Variants in CDK20 observed in about 807,000 individuals in gnomAD.
The protein encoded by CDK20 is cyclin dependent kinase 20.
In CDK20, 40 loss-of-function variants were observed where a neutral mutation model predicts 38.6. That is an observed-to-expected ratio of 1.04 (90% CI 0.81 to 1.35). The LOEUF (loss-of-function observed/expected upper bound fraction) is 1.35. Ranked by LOEUF, CDK20 falls within the 40% of genes most tolerant of loss-of-function variation. The pLI is 0.00. For missense variants in CDK20, 512 were observed against 452.6 expected, an observed-to-expected ratio of 1.13 and a Z score of -1.19; for synonymous variants, 209 against 185.7, an observed-to-expected ratio of 1.13 and a Z score of -1.02.
chr9:87,969,871 G>A lies in CDK20; in HGVS notation c.612C>T (p.Phe204=). 2 of 1,605,626 alleles carry A rather than the reference G, an allele frequency of 1.2e-6. No homozygotes were observed. The highest frequency in any genetic ancestry group is 1.7e-6 in the Non-Finnish European group (2 of 1,175,568). ...MGELLNGSPL[F]PGKNDIEQLC... ...GCTGTTCAATATCGTTCTTGCCCGG[G>A]AAAAGGGGGGACCCATTCAACAGCT... The change falls in exon 6 of 8, where the codon TTC becomes TTT. Residue 204 remains phenylalanine, a synonymous_variant. Transcript: ENST00000325303.
Position 87,966,457 on chromosome 9 carries a change from A to G in CDK20, c.*1005T>C, listed in dbSNP as rs1008581417. 6.6e-6 allele frequency: 1 copy of G among 152,470 alleles called. No homozygotes were observed. Among genetic ancestry groups the G allele is most frequent in the Non-Finnish European group, 1.5e-5 (1 of 68,268 alleles). The allele number at this position is 152,470 out of a possible 1,614,324, so 9.4% of individuals were successfully genotyped here. A position where few individuals can be genotyped will look rare whatever the true frequency, so the allele number is the denominator to read the frequency against. On this transcript the variant is annotated 3_prime_UTR_variant, in exon 8 of 8. Coordinates refer to ENST00000325303, the MANE Select transcript of CDK20 (RefSeq NM_001039803.3). Reference sequence around the variant, plus strand: ...TCTAGTCTGTTTTTATCCTTGAACCACAATCATACTCTTTATTATTATACA... The same window carrying G: ...TCTAGTCTGTTTTTATCCTTGAACCGCAATCATACTCTTTATTATTATACA...
At position 87,969,807 on chromosome 9, in the gene CDK20, G is replaced by C. The variant is rs1829722278; in HGVS notation, c.676C>G (p.Gln226Glu). 5.0e-6 allele frequency: 8 copies of C among 1,613,746 alleles called. No individual in the cohort carries two copies. The East Asian group carries it at 6.7e-5, about 13-fold the overall frequency. The change falls in exon 6 of 8, where the codon CAA (glutamine) becomes GAA (glutamate). Residue 226 changes from glutamine to glutamate, a missense_variant. By Grantham distance (29) the Gln-to-Glu change is conservative. Coordinates refer to ENST00000325303, the MANE Select transcript of CDK20 (RefSeq NM_001039803.3). ...VLRILGTPNP[Q>E]VWPELTELPD... is the part of the protein sequence containing the mutation. ...GGGCCCCTACAAACCGGCCAGACTT[G>C]AGGGTTTGGGGTGCCCAAGATGCGA... is the stretch of plus-strand genomic sequence containing the variant.
chr9:87,969,720 G>A, intron 6 of CDK20, 76 bp downstream of exon 6: 1 of 1,600,494 alleles, frequency 6.2e-7, no homozygotes, highest in Admixed American at 1.7e-5. Flanking sequence ...GAAGGTTCAG[G>A]GGAGGGAGTG....
At chr9:87,973,427 A>ATGTC (rs5899021) in intron 2 of CDK20, among the ~76,000 whole-genome samples, 120,753 of 151,508 alleles carry the variant, frequency 0.8, 49,602 homozygotes, top group Non-Finnish European at 0.91. Context: ...CAAGGGAAGA[A>ATGTC]TGGACTCTCA....
chr9:87,971,102 A>G, intron 3 of CDK20, 45 bp downstream of exon 3: 2 of 1,592,006 alleles, frequency 1.3e-6, no homozygotes, highest in Non-Finnish European at 1.7e-6. Flanking sequence ...TCCCCAAGCC[A>G]AGTCAGCTCC....
intron 5 of CDK20, 62 bp from the exon 6 acceptor site, chr9:87,969,981 C>A: frequency 6.7e-7 from 1 of 1,502,994 alleles, no homozygotes; most frequent in Non-Finnish European, 8.9e-7. Context: ...GACCCACCCA[C>A]AGAGCAGCTC....
At chr9:87,971,367 C>G in intron 2 of CDK20, 32 bp from the exon 3 acceptor site, 1 of 1,580,426 alleles carries the variant, frequency 6.3e-7, no homozygotes, top group Non-Finnish European at 8.6e-7. Context: ...AGCCCCCAGA[C>G]TCAAGTCACC....
At chr9:87,971,569 A>T (rs567214200) in intron 2 of CDK20, among the ~76,000 whole-genome samples, 1 of 152,166 alleles carries the variant, frequency 6.6e-6, no homozygotes, top group Non-Finnish European at 1.5e-5. Flanking sequence ...AAAAGGTCTA[A>T]AAAAGGTCAT....
In CDK20 at chr9:87,966,733, A is replaced by G. The variant is rs1466559254; in HGVS notation, c.*729T>C. 1.4e-5 allele frequency: 4 copies of G among 283,386 alleles called. No homozygotes were observed. The highest frequency in any genetic ancestry group is 2.8e-5 in the Non-Finnish European group (4 of 143,688). The allele number at this position is 283,386 out of a possible 1,614,324, so 17.6% of individuals were successfully genotyped here. ...GAGTAGATGTTGGTAAACCAGCCTC[A>G]TGTGCAGAGGGTCTCCTGCTGGATC... is the stretch of plus-strand genomic sequence containing the variant. On this transcript the variant is annotated 3_prime_UTR_variant, in exon 8 of 8. Transcript: ENST00000325303.
chr9:87,967,754 C>G (rs1041280541), intron 7 of CDK20, 95 bp from the exon 8 acceptor site: 58 of 1,104,830 alleles, frequency 5.2e-5, no homozygotes, highest in Non-Finnish European at 6.1e-5. Context: ...ATTCAGCTGA[C>G]TCAGTGTGTC....
Position 87,969,283 on chromosome 9 carries a change from C to T in CDK20, c.754G>A (p.Glu252Lys). The stretch of plus-strand genomic sequence containing the variant: ...TGGGGAGAGACGTCAGGCAGCACCT[C>T]CTCCAGGGGCATGGGCACCTGCTCC... ...FKEQVPMPLE[E>K]VLPDVSPQAL... is the part of the protein sequence containing the mutation. The change falls in exon 7 of 8, where the codon GAG becomes AAG. Residue 252 changes from glutamate (E) to lysine (K), a missense_variant. Transcript: ENST00000325303. The T allele has an allele frequency of 6.2e-7, 1 of 1,614,058 alleles. No homozygotes were observed. The highest frequency in any genetic ancestry group is 8.5e-7 in the Non-Finnish European group (1 of 1,179,970).
At position 87,974,506 on chromosome 9, in the gene CDK20, TCCA is replaced by T; in HGVS notation, c.-63_-61del. On this transcript the variant is annotated 5_prime_UTR_variant, in exon 1 of 8. Transcript: ENST00000325303. Reference sequence around the variant, plus strand: ...CTGAACTTCCAAACTCCACTTCTCCTCCACCCCACGCTGATCTGAGCTCGCACG... The same window carrying T: ...CTGAACTTCCAAACTCCACTTCTCCTCCCCACGCTGATCTGAGCTCGCACG... The T allele has an allele frequency of 6.9e-7, 1 of 1,455,464 alleles. No individual in the cohort carries two copies. 90.2% of individuals were successfully genotyped at this position (1,455,464 alleles called of 1,614,324 possible).
At chr9:87,970,490 C>T in intron 5 of CDK20, 78 bp downstream of exon 5, 2 of 1,369,194 alleles carry the variant, frequency 1.5e-6, no homozygotes, top group Non-Finnish European at 2.0e-6. Flanking sequence ...GAAAAGACCA[C>T]CAAACAGCTC....
intron 5 of CDK20, 169 bp from the exon 6 acceptor site, chr9:87,970,088 C>T (rs1353356688): frequency 1.5e-6 from 1 of 679,862 alleles, no homozygotes; most frequent in Admixed American, 3.3e-5. Flanking sequence ...AACCCTAGAA[C>T]CCAGAGCAAA....
intron 6 of CDK20, 134 bp from the exon 7 acceptor site, chr9:87,969,483 ATCAT>A (rs753789202): frequency 2.2e-5 from 22 of 998,336 alleles, no homozygotes; most frequent in Non-Finnish European, 3.2e-5. Flanking sequence ...TCCCTGACCC[ATCAT>A]TCATTCACTC....
intron 7 of CDK20, 161 bp from the exon 8 acceptor site, chr9:87,967,820 A>G (rs780625078): frequency 6.6e-5 from 40 of 603,030 alleles, no homozygotes; most frequent in Non-Finnish European, 9.5e-5. Context: ...AGCTGGGAAC[A>G]TAGCCGTTAA....
chr9:87,969,446 TG>T (rs1286280363), intron 6 of CDK20, 97 bp from the exon 7 acceptor site: 3 of 1,326,440 alleles, frequency 2.3e-6, no homozygotes, highest in Non-Finnish European at 3.2e-6. Context: ...CACACTCACA[TG>T]GGGGGTGCTC....
At chr9:87,972,417 T>G (rs1352355695) in intron 2 of CDK20, among the ~76,000 whole-genome samples, 1 of 152,156 alleles carries the variant, frequency 6.6e-6, no homozygotes, top group Non-Finnish European at 1.5e-5. Flanking sequence ...TGAGATTGTT[T>G]AAGGGAAGGA....
In CDK20 at chr9:87,969,285, T is replaced by G. The variant is rs774994161; in HGVS notation, c.752A>C (p.Glu251Ala). The G allele has an allele frequency of 2.5e-6, 4 of 1,613,976 alleles. No homozygotes were observed. The highest frequency in any genetic ancestry group is 3.4e-6 in the Non-Finnish European group (4 of 1,179,936). The change falls in exon 7 of 8, where the codon GAG becomes GCG. Residue 251 changes from glutamate to alanine, a missense_variant. Physicochemically the swap from Glu to Ala is moderately radical, Grantham distance 107. Transcript: ENST00000325303. Reference protein sequence around the residue: ...SFKEQVPMPLEEVLPDVSPQA... With the variant: ...SFKEQVPMPLAEVLPDVSPQA... ...GGGAGAGACGTCAGGCAGCACCTCC[T>G]CCAGGGGCATGGGCACCTGCTCCTT...
Sources: allele counts gnomAD v4.1 joint callset (sites outside exome capture counted in the v4.1 genomes callset), GRCh38; gene constraint gnomAD v4.1.1; transcripts MANE v1.5; gene names NCBI Gene and HGNC (gene_info 2026-07-23, HGNC 2026-07-21).